Variants in NBPF6 observed in about 807,000 individuals in gnomAD.
NBPF6 encodes the protein NBPF member 6, also known as NBPF family member NBPF6.
Under a neutral mutation model 20.8 loss-of-function variants are expected in NBPF6, and 2 were observed. The observed-to-expected ratio is 0.10, with a 90% confidence interval of 0.04 to 0.30. NBPF6 has a LOEUF of 0.30. Among genes scored for constraint, NBPF6 ranks in the 10% least tolerant of loss-of-function variants. The pLI is 1.00. For missense variants in NBPF6, 85 were observed against 260.3 expected, an observed-to-expected ratio of 0.33 and a Z score of 4.63; for synonymous variants, 24 against 100.0, an observed-to-expected ratio of 0.24 and a Z score of 4.53.
chr1:108,448,093 C>T (rs74358096), upstream of NBPF6, among the ~76,000 whole-genome samples: 1 of 132,774 alleles, frequency 7.5e-6, no homozygotes, highest in African/African-American at 2.7e-5. Flanking sequence ...CTGAGTTCAG[C>T]GTGTGATGAG....
At chr1:108,451,607 ACTAT>A (rs1652843584) in intron 2 of NBPF6, among the ~76,000 whole-genome samples, 1 of 121,788 alleles carries the variant, frequency 8.2e-6, no homozygotes, top group African/African-American at 2.8e-5. Flanking sequence ...CAGAGTAAAC[ACTAT>A]CTATTAGTTC....
chr1:108,465,166 C>G, intron 12 of NBPF6, 22 bp from the exon 13 acceptor site: 2 of 653,646 alleles, frequency 3.1e-6, no homozygotes, highest in Non-Finnish European at 5.1e-6. Flanking sequence ...ATTGTTCCTA[C>G]TGAAGCCCCT....
the NBPF6 span, among the ~76,000 whole-genome samples, chr1:108,426,029 T>C: frequency 9.6e-5 from 3 of 31,108 alleles, no homozygotes; most frequent in Admixed American, 5.4e-4. Context: ...AATGTTGAAC[T>C]TACTTTGCCC....
At chr1:108,467,799 T>C in intron 14 of NBPF6, 134 bp downstream of exon 14, 1 of 1,035,834 alleles carries the variant, frequency 9.7e-7, no homozygotes, top group South Asian at 1.6e-5. Flanking sequence ...TGGTCTTAGC[T>C]CTGTGTCCCA....
At chr1:108,459,833 AC>A (rs1419635186) in intron 9 of NBPF6, 99 bp from the exon 10 acceptor site, 4 of 10,594 alleles carry the variant, frequency 3.8e-4, no homozygotes, top group African/African-American at 1.6e-3. Flanking sequence ...TAATGGGTTG[AC>A]CCATTTGTTT....
At chr1:108,459,332 A>G (rs1653024741) in intron 9 of NBPF6, among the ~76,000 whole-genome samples, 1 of 114,598 alleles carries the variant, frequency 8.7e-6, no homozygotes, top group African/African-American at 3.1e-5. Context: ...CTTGTGAACA[A>G]CTAATCAGTC....
intron 9 of NBPF6, among the ~76,000 whole-genome samples, chr1:108,459,476 A>G (rs1653035575): frequency 2.0e-5 from 3 of 150,662 alleles, no homozygotes. Flanking sequence ...AGAAAAAATT[A>G]TTGTTATACC....
At chr1:108,447,413 A>G (rs1221921920), upstream of NBPF6, among the ~76,000 whole-genome samples, 1 of 146,460 alleles carries the variant, frequency 6.8e-6, no homozygotes, top group Non-Finnish European at 1.5e-5. Flanking sequence ...CTAAGAATTC[A>G]AACTTCAGCA....
chr1:108,448,359 A>C (rs199532249), upstream of NBPF6, among the ~76,000 whole-genome samples: 16,106 of 145,144 alleles, frequency 0.11, 80 homozygotes, highest in South Asian at 0.23. Context: ...TAGAATAGTG[A>C]ATTAAATACA....
the NBPF6 span, among the ~76,000 whole-genome samples, chr1:108,434,957 A>G: frequency 1.1e-5 from 1 of 92,366 alleles, no homozygotes; most frequent in Non-Finnish European, 2.7e-5. Flanking sequence ...CAGAACATGG[A>G]GAAATAAAAA....
rs201232305 is a variant in NBPF6 at position 108,465,200 on chromosome 1, C to T, written c.1436C>T (p.Ala479Val). ...CTTCTCCTTTCAGCCCCCACCGAGG[C>T]GGCCTGTCCCCAAGGGACTTGGAGT... ...SALDVASPTE[A>V]ACPQGTWSGD... Residue 479 changes from alanine to valine, a missense_variant, in exon 13 of 15, where the codon GCG (alanine) becomes GTG (valine). Around this residue, in one of 5 missense-constraint regions of NBPF6, gnomAD observed 43 missense variants for 97.3 expected, o/e 0.44. Transcript: ENST00000495380. The T allele has an allele frequency of 3.7e-5, 42 of 1,142,564 alleles. 12 individuals are homozygous for T. The highest frequency in any genetic ancestry group is 6.2e-5 in the East Asian group (2 of 32,220). The allele number at this position is 1,142,564 out of a possible 1,614,324, so 70.8% of individuals were successfully genotyped here.
rs1653445806 is a variant in NBPF6, at chr1:108,471,077, T to G, written c.*439T>G. ...AATGTAGAACATTGAACAGGACAAC[T>G]GACATGTCTCCTTCAAACAGTCCAT... On this transcript the variant is annotated 3_prime_UTR_variant, in exon 15 of 15. Transcript: ENST00000495380. 1 of 154,536 alleles carries G rather than the reference T, an allele frequency of 6.5e-6. No homozygotes were observed. Among genetic ancestry groups the G allele is most frequent in the Admixed American group, 6.5e-5 (1 of 15,350 alleles). 9.6% of individuals were successfully genotyped at this position (154,536 alleles called of 1,614,324 possible).
the NBPF6 span, among the ~76,000 whole-genome samples, chr1:108,437,820 C>A: frequency 4.7e-5 from 1 of 21,432 alleles, no homozygotes; most frequent in Admixed American, 4.9e-4. Flanking sequence ...AGAGGGAGGG[C>A]AGGGGAGGGG....
At chr1:108,468,258 T>C (rs1388363151) in intron 14 of NBPF6, among the ~76,000 whole-genome samples, 1 of 149,892 alleles carries the variant, frequency 6.7e-6, no homozygotes, top group African/African-American at 2.5e-5. Context: ...GTCAGGTTTG[T>C]CTTTAGCCCC....
intron 8 of NBPF6, among the ~76,000 whole-genome samples, chr1:108,458,511 TA>T (rs1652970156): frequency 1.3e-5 from 1 of 78,976 alleles, no homozygotes; most frequent in Non-Finnish European, 3.0e-5. Flanking sequence ...CCCCTTTTAG[TA>T]GGCTTGTCTT....
intron 2 of NBPF6, among the ~76,000 whole-genome samples, chr1:108,451,456 CTCCA>C (rs905061805): frequency 7.3e-6 from 1 of 136,240 alleles, no homozygotes; most frequent in Non-Finnish European, 1.7e-5. Flanking sequence ...GTCTCCTGGG[CTCCA>C]TCCAAGTTGC....
rs1653490981 is a variant in NBPF6, at chr1:108,471,798, C to T, written c.*1160C>T. 6.6e-6 allele frequency among the ~76,000 whole-genome samples: 1 copy of T among 152,100 alleles called. No homozygotes were observed. Among genetic ancestry groups the T allele is most frequent in the Non-Finnish European group, 1.5e-5 (1 of 68,012 alleles). On this transcript the variant is annotated 3_prime_UTR_variant, in exon 15 of 15. Transcript: ENST00000495380. The stretch of plus-strand genomic sequence containing the variant: ...AATCACTTTAATTAAATTTTTTTGC[C>T]TATCACCCTGGACTAGTGAATTTTT...
At chr1:108,459,396 G>C (rs546644364) in intron 9 of NBPF6, among the ~76,000 whole-genome samples, 1 of 146,714 alleles carries the variant, frequency 6.8e-6, no homozygotes, top group East Asian at 2.0e-4. Flanking sequence ...ACCAGCCTGA[G>C]ATGCATATCT....
At chr1:108,465,445 A>G (rs763150929) in intron 13 of NBPF6, 21 bp downstream of exon 13, 1 of 502,626 alleles carries the variant, frequency 2.0e-6, no homozygotes, top group Middle Eastern at 5.2e-4. Context: ...AAACGGCGTC[A>G]TGAAGCTCTA....
Sources: allele counts gnomAD v4.1 joint callset (sites outside exome capture counted in the v4.1 genomes callset), GRCh38; gene constraint gnomAD v4.1.1; regional missense constraint gnomAD v4.1.1; transcripts MANE v1.5; gene names NCBI Gene and HGNC (gene_info 2026-07-23, HGNC 2026-07-21).